TPST1: variants seen among roughly 807,000 people sequenced by gnomAD.
The protein encoded by TPST1 is protein-tyrosine sulfotransferase 1.
TPST1 carries 20 observed loss-of-function variants against 34.8 expected under a neutral mutation model. That is an observed-to-expected ratio of 0.57 (90% CI 0.40 to 0.84). The LOEUF (loss-of-function observed/expected upper bound fraction) is 0.84. Ranked by LOEUF, TPST1 falls within the 40% of genes least tolerant of loss-of-function variation. TPST1 has a pLI of 0.00. For synonymous variants in TPST1, 152 were observed against 159.4 expected (o/e 0.95, Z 0.35); for missense variants, 353 against 455.5 (o/e 0.78, Z 2.05).
chr7:66,273,550 A>G (rs1790744627), intron 2 of TPST1, among the ~76,000 whole-genome samples: 1 of 152,242 alleles, frequency 6.6e-6, no homozygotes, highest in Non-Finnish European at 1.5e-5. Flanking sequence ...AGTAATCAGA[A>G]TAGCATGGTA....
At chr7:66,296,906 T>G (rs546562512) in intron 3 of TPST1, among the ~76,000 whole-genome samples, 66 of 152,306 alleles carry the variant, frequency 4.3e-4, no homozygotes, top group African/African-American at 1.1e-3. Flanking sequence ...CTGTCTAGGT[T>G]ACATCGTCAG....
intron 3 of TPST1, among the ~76,000 whole-genome samples, chr7:66,306,632 C>T (rs80333998): frequency 0.014 from 2,129 of 152,284 alleles, 60 homozygotes; most frequent in East Asian, 0.093. Flanking sequence ...TGTAAGGTCA[C>T]TTCTCCAACT....
chr7:66,300,760 A>G (rs1014323939), intron 3 of TPST1, among the ~76,000 whole-genome samples: 6 of 152,180 alleles, frequency 3.9e-5, no homozygotes. Flanking sequence ...AGCCTGGCCA[A>G]CATGGCGAAA....
At chr7:66,333,287 C>T (rs1304799844) in intron 3 of TPST1, among the ~76,000 whole-genome samples, 1 of 152,144 alleles carries the variant, frequency 6.6e-6, no homozygotes, top group African/African-American at 2.4e-5. Flanking sequence ...CAGCCAAAGC[C>T]TCTTGTATGG....
intron 5 of TPST1, among the ~76,000 whole-genome samples, chr7:66,358,416 T>C (rs373174823): frequency 1.3e-4 from 19 of 151,716 alleles, no homozygotes; most frequent in Middle Eastern, 3.4e-3. Context: ...ACCAAGGATT[T>C]TATTTGCATA....
chr7:66,250,184 C>T (rs982900300), intron 2 of TPST1, among the ~76,000 whole-genome samples: 5 of 152,100 alleles, frequency 3.3e-5, no homozygotes, highest in Admixed American at 2.6e-4. Flanking sequence ...TGTGCCTTAT[C>T]TCATTTAGTT....
At chr7:66,215,771 C>CTTTTTTTT (rs772346557) in intron 1 of TPST1, among the ~76,000 whole-genome samples, 21 of 108,530 alleles carry the variant, frequency 1.9e-4, no homozygotes, top group East Asian at 5.1e-4. Context: ...TTTTCTTTTT[C>CTTTTTTTT]TTTCTTTTTT....
chr7:66,304,387 A>G (rs1229153109), intron 3 of TPST1, among the ~76,000 whole-genome samples: 1 of 152,232 alleles, frequency 6.6e-6, no homozygotes, highest in South Asian at 2.1e-4. Context: ...GAGCGACTGC[A>G]TCTGACTGCC....
intron 2 of TPST1, 49 bp from the exon 3 acceptor site, chr7:66,286,462 T>G: frequency 7.3e-7 from 1 of 1,363,412 alleles, no homozygotes; most frequent in East Asian, 2.8e-5. Context: ...AAAGCATGAT[T>G]TTCTAAAAAA....
At chr7:66,203,677 G>A (rs926324752), upstream of TPST1, among the ~76,000 whole-genome samples, 20 of 151,190 alleles carry the variant, frequency 1.3e-4, no homozygotes, top group African/African-American at 4.9e-4. Context: ...AGTAGAGACG[G>A]GGTTTCACCG....
intron 1 of TPST1, among the ~76,000 whole-genome samples, chr7:66,217,452 CTT>C (rs1789447000): frequency 6.6e-6 from 1 of 151,986 alleles, no homozygotes; most frequent in Non-Finnish European, 1.5e-5. Flanking sequence ...TTTTTTGTCT[CTT>C]TTGTGGTAAC....
rs2115677252 is a variant in TPST1, at chr7:66,256,969, C to T, written c.845+15699C>T. Among the ~76,000 whole-genome samples, 2 of 152,224 alleles carry T rather than the reference C, an allele frequency of 1.3e-5. 1 individual carries two copies. The stretch of plus-strand genomic sequence containing the variant: ...GTGAAGTTTCTTTTTTTTCTTGAGA[C>T]AGCATCTCACTCTGTTGCCTAGGCT... On this transcript the variant is annotated intron_variant, in intron 2 of 5. Transcript: ENST00000304842.
chr7:66,210,682 A>G (rs1311373023), intron 1 of TPST1, among the ~76,000 whole-genome samples: 8 of 152,200 alleles, frequency 5.3e-5, no homozygotes, highest in Non-Finnish European at 7.3e-5. Context: ...ATATCAGGAC[A>G]GCTGGGTGTG....
chr7:66,342,007 C>T (rs1295191520), intron 3 of TPST1, among the ~76,000 whole-genome samples: 1 of 151,946 alleles, frequency 6.6e-6, no homozygotes, highest in Non-Finnish European at 1.5e-5. Context: ...AGATAAGAAA[C>T]TTAGAAGCAA....
At position 66,207,698 on chromosome 7, in the gene TPST1, A is replaced by G. The variant is rs561528628; in HGVS notation, c.-102+2176A>G. 4.6e-5 allele frequency among the ~76,000 whole-genome samples: 7 copies of G among 152,300 alleles called. 1 individual carries two copies. Among genetic ancestry groups the G allele is most frequent in the Admixed American group, 1.3e-4 (2 of 15,298 alleles). On this transcript the variant is annotated intron_variant, in intron 1 of 5. Coordinates refer to ENST00000304842, the MANE Select transcript of TPST1 (RefSeq NM_003596.4). ...ATATTTATGGTTTTCAAAGACGTCTATTTAGTCCCCGTTTCTCTTGAACCT... is the reference window on the plus strand; with the variant it reads ...ATATTTATGGTTTTCAAAGACGTCTGTTTAGTCCCCGTTTCTCTTGAACCT...
Position 66,240,671 on chromosome 7 carries a change from C to G in TPST1, c.246C>G (p.Thr82=). The G allele has an allele frequency of 6.2e-7, 1 of 1,614,146 alleles. No individual in the cohort carries two copies. Among genetic ancestry groups the G allele is most frequent in the Non-Finnish European group, 8.5e-7 (1 of 1,180,034 alleles). Residue 82 remains threonine, a synonymous_variant, in exon 2 of 6, where the codon ACC becomes ACG. Coordinates refer to ENST00000304842, the MANE Select transcript of TPST1 (RefSeq NM_003596.4). ...IFIGGVPRSG[T]TLMRAMLDAH... Reference sequence around the variant, plus strand: ...TTGGAGGTGTGCCTCGGAGTGGAACCACACTCATGAGGGCCATGCTGGACG... The same window carrying G: ...TTGGAGGTGTGCCTCGGAGTGGAACGACACTCATGAGGGCCATGCTGGACG...
chr7:66,310,803 G>GTATT (rs56696715), intron 3 of TPST1, among the ~76,000 whole-genome samples: 59,188 of 146,906 alleles, frequency 0.4, 12,096 homozygotes, highest in East Asian at 0.47. Context: ...AATTTGAAGA[G>GTATT]TATTTATTTA....
chr7:66,216,227 T>C (rs559810021), intron 1 of TPST1, among the ~76,000 whole-genome samples: 2 of 152,312 alleles, frequency 1.3e-5, no homozygotes, highest in Middle Eastern at 3.4e-3. Flanking sequence ...TATGCTTGTT[T>C]ATGATCACTT....
intron 3 of TPST1, among the ~76,000 whole-genome samples, chr7:66,339,658 C>T (rs888433307): frequency 5.9e-5 from 9 of 151,440 alleles, no homozygotes; most frequent in East Asian, 1.9e-4. Flanking sequence ...TCCTGGGATA[C>T]GAAGAGGGGA....
Sources: gnomAD v4.1 joint callset for allele counts (sites outside exome capture counted in the v4.1 genomes callset) on GRCh38, gnomAD v4.1.1 for gene constraint, MANE v1.5 for transcripts, NCBI Gene and HGNC (gene_info 2026-07-23, HGNC 2026-07-21) for gene names.